The following GPC5 variants were observed in gnomAD, a reference collection of about 807,000 sequenced individuals.
GPC5 encodes the protein glypican 5.
GPC5 carries 47 observed loss-of-function variants against 53.9 expected under a neutral mutation model. The ratio of observed to expected loss-of-function variants is 0.87; its 90% CI spans 0.69 to 1.11. The LOEUF (loss-of-function observed/expected upper bound fraction) is 1.11, where lower values mean the gene tolerates loss of function less well. GPC5 is among the 50% of genes most tolerant of loss of function. The pLI is 0.00. For synonymous variants in GPC5, 286 were observed against 263.3 expected, an observed-to-expected ratio of 1.09 and a Z score of -0.84; for missense variants, 748 against 713.1, an observed-to-expected ratio of 1.05 and a Z score of -0.56.
chr13:91,766,998 T>C (rs542784678), intron 5 of GPC5, among the ~76,000 whole-genome samples: 1 of 152,362 alleles, frequency 6.6e-6, no homozygotes, highest in South Asian at 2.1e-4. Flanking sequence ...TAAAATATGC[T>C]CATTTACTTC....
At chr13:92,689,461 T>A (rs1249534917) in intron 7 of GPC5, among the ~76,000 whole-genome samples, 17 of 84,110 alleles carry the variant, frequency 2.0e-4, no homozygotes, top group Non-Finnish European at 3.9e-4. Flanking sequence ...TATGTGTGTC[T>A]CTGCACGTGA....
chr13:91,847,113 G>A (rs2038858996), intron 5 of GPC5, among the ~76,000 whole-genome samples: 1 of 151,658 alleles, frequency 6.6e-6, no homozygotes, highest in South Asian at 2.1e-4. Context: ...CAGCTACTCG[G>A]GAGGCTGAGG....
At chr13:91,459,693 A>T (rs960723376) in intron 2 of GPC5, among the ~76,000 whole-genome samples, 10 of 152,120 alleles carry the variant, frequency 6.6e-5, no homozygotes, top group Admixed American at 5.9e-4. Context: ...TGTGACAGAG[A>T]CATCCAGTGG....
At chr13:92,222,200 T>C (rs1212142652) in intron 7 of GPC5, among the ~76,000 whole-genome samples, 2 of 152,088 alleles carry the variant, frequency 1.3e-5, no homozygotes, top group African/African-American at 2.4e-5. Context: ...ACAAAAGCCC[T>C]CAGAGCACAG....
intron 4 of GPC5, among the ~76,000 whole-genome samples, chr13:91,747,694 A>T (rs959592340): frequency 6.6e-6 from 1 of 151,256 alleles, no homozygotes; most frequent in Non-Finnish European, 1.5e-5. Flanking sequence ...TTAGAATGTG[A>T]TAATTTCCAT....
intron 5 of GPC5, among the ~76,000 whole-genome samples, chr13:91,870,026 C>G (rs906506809): frequency 6.6e-6 from 1 of 152,174 alleles, no homozygotes; most frequent in Non-Finnish European, 1.5e-5. Context: ...AAAACCATAT[C>G]ACATAATATT....
At chr13:92,348,791 C>T (rs1322496132) in intron 7 of GPC5, among the ~76,000 whole-genome samples, 2 of 152,096 alleles carry the variant, frequency 1.3e-5, no homozygotes, top group Admixed American at 6.5e-5. Context: ...CTCACAAATA[C>T]ATATAAATTA....
At chr13:92,194,553 C>T (rs2042244684) in intron 7 of GPC5, among the ~76,000 whole-genome samples, 1 of 152,212 alleles carries the variant, frequency 6.6e-6, no homozygotes, top group Non-Finnish European at 1.5e-5. Flanking sequence ...AATACTTTTG[C>T]ATATTTCCTC....
intron 5 of GPC5, among the ~76,000 whole-genome samples, chr13:91,869,592 C>T (rs1294299454): frequency 6.6e-6 from 1 of 152,044 alleles, no homozygotes; most frequent in Non-Finnish European, 1.5e-5. Flanking sequence ...AATTTTGGTA[C>T]TTCTATGGCC....
intron 7 of GPC5, among the ~76,000 whole-genome samples, chr13:92,345,553 T>C (rs7330825): frequency 0.48 from 72,721 of 152,020 alleles, 19,057 homozygotes; most frequent in African/African-American, 0.71. Flanking sequence ...TTGAAAACCT[T>C]GATACTTGGC....
chr13:92,350,813 CAATAA>C (rs2043470991), intron 7 of GPC5, among the ~76,000 whole-genome samples: 3 of 151,588 alleles, frequency 2.0e-5, no homozygotes, highest in African/African-American at 7.3e-5. Flanking sequence ...TGTCAATTTA[CAATAA>C]AATAGTTTTT....
At chr13:92,290,503 A>C (rs2042986186) in intron 7 of GPC5, among the ~76,000 whole-genome samples, 1 of 151,950 alleles carries the variant, frequency 6.6e-6, no homozygotes, top group South Asian at 2.1e-4. Flanking sequence ...CCTTTCCCCA[A>C]GTCCCCAAAG....
intron 2 of GPC5, among the ~76,000 whole-genome samples, chr13:91,497,016 C>A (rs935776312): frequency 3.9e-5 from 6 of 152,062 alleles, no homozygotes; most frequent in Non-Finnish European, 5.9e-5. Flanking sequence ...TGTTTATTTT[C>A]TTCCCTTTTA....
intron 7 of GPC5, among the ~76,000 whole-genome samples, chr13:92,512,345 G>C (rs867287860): frequency 3.9e-5 from 6 of 152,118 alleles, no homozygotes; most frequent in Middle Eastern, 3.4e-3. Flanking sequence ...GTGACAAGTG[G>C]GGAGAAGCTA....
intron 7 of GPC5, among the ~76,000 whole-genome samples, chr13:92,470,147 T>A (rs1335261248): frequency 6.6e-6 from 1 of 152,130 alleles, no homozygotes; most frequent in Non-Finnish European, 1.5e-5. Context: ...TAGGGCATGT[T>A]TAAGGATCAC....
chr13:92,752,475 G>C (rs890572637), intron 7 of GPC5, among the ~76,000 whole-genome samples: 2 of 152,114 alleles, frequency 1.3e-5, no homozygotes, highest in African/African-American at 4.8e-5. Flanking sequence ...TTTTCTGGAT[G>C]GGGGGAGGAG....
Position 91,603,498 on chromosome 13 carries a change from A to G in GPC5, c.326-89689A>G, listed in dbSNP as rs117851831. Reference sequence around the variant, plus strand: ...CCATCCTGATCTCACAAAATTCTCAATGGGCTTTGCAGTGATGCTATGTCC... The same window carrying G: ...CCATCCTGATCTCACAAAATTCTCAGTGGGCTTTGCAGTGATGCTATGTCC... On this transcript the variant is annotated intron_variant, in intron 2 of 7. Coordinates refer to ENST00000377067, the MANE Select transcript of GPC5 (RefSeq NM_004466.6). 8.9e-3 allele frequency among the ~76,000 whole-genome samples: 1,350 copies of G among 152,314 alleles called. 16 individuals carry two copies. The highest frequency in any genetic ancestry group is 0.034 in the Middle Eastern group (10 of 294).
intron 7 of GPC5, among the ~76,000 whole-genome samples, chr13:92,479,540 T>A (rs1421903064): frequency 6.6e-6 from 1 of 152,080 alleles, no homozygotes; most frequent in Non-Finnish European, 1.5e-5. Flanking sequence ...CTCTAGAAGT[T>A]TTACTTTTAA....
intron 2 of GPC5, 131 bp from the exon 3 acceptor site, chr13:91,693,052 TTTGG>T (rs1394807148): frequency 1.5e-6 from 1 of 666,660 alleles, no homozygotes; most frequent in Admixed American, 2.9e-5. Flanking sequence ...GAAAGCTGAA[TTTGG>T]TTGAGTAGGC....
Sources: allele counts gnomAD v4.1 joint callset (sites outside exome capture counted in the v4.1 genomes callset), GRCh38; gene constraint gnomAD v4.1.1; transcripts MANE v1.5; gene names NCBI Gene and HGNC (gene_info 2026-07-23, HGNC 2026-07-21).